PIGL: variants seen among roughly 807,000 people sequenced by gnomAD.
PIGL encodes phosphatidylinositol glycan anchor biosynthesis class L.
PIGL carries 22 observed loss-of-function variants against 31.1 expected under a neutral mutation model. The observed-to-expected ratio is 0.71, with a 90% CI of 0.51 to 1.01. The LOEUF (loss-of-function observed/expected upper bound fraction) is 1.01, where lower values mean the gene tolerates loss of function less well. PIGL is among the 50% of genes least tolerant of loss of function. The pLI, the probability that PIGL is intolerant of heterozygous loss-of-function variation, is 0.00. For missense variants in PIGL, 302 were observed against 315.9 expected (o/e 0.96, Z 0.33); for synonymous variants, 131 against 117.4 (o/e 1.12, Z -0.75).
chr17:16,287,699 G>A (rs183582436), intron 2 of PIGL, among the ~76,000 whole-genome samples: 2 of 152,224 alleles, frequency 1.3e-5, no homozygotes, highest in East Asian at 1.9e-4. Context: ...CCTGTTATAC[G>A]TTGACATTCC....
chr17:16,256,525 A>C (rs545868318), intron 2 of PIGL, among the ~76,000 whole-genome samples: 1 of 151,106 alleles, frequency 6.6e-6, no homozygotes, highest in Admixed American at 6.6e-5. Flanking sequence ...CTAATTGTGT[A>C]TTTTTTAGTA....
intron 2 of PIGL, among the ~76,000 whole-genome samples, chr17:16,288,836 G>C (rs1353168806): frequency 1.3e-5 from 2 of 152,234 alleles, no homozygotes; most frequent in African/African-American, 2.4e-5. Flanking sequence ...ACCACACCTA[G>C]CTAAAAATTC....
At position 16,217,283 on chromosome 17, in the gene PIGL, C is replaced by T. The variant is rs750208023; in HGVS notation, c.57C>T (p.Leu19=). The change falls in exon 1 of 7, where the codon CTC becomes CTT. Residue 19 remains leucine, a synonymous_variant. Coordinates refer to ENST00000225609, the MANE Select transcript of PIGL (RefSeq NM_004278.4). The part of the protein sequence containing the change: ...VALAVLAWGF[L]WVWDSSERMK... ...TGGCGGTCTTGGCATGGGGCTTCCT[C>T]TGGGTTTGGGACTCCTCAGAACGAA... 6.2e-7 allele frequency: 1 copy of T among 1,614,156 alleles called. No individual in the cohort carries two copies. Among genetic ancestry groups the T allele is most frequent in the Non-Finnish European group, 8.5e-7 (1 of 1,180,032 alleles).
At chr17:16,276,507 TG>T (rs1404356255) in intron 2 of PIGL, among the ~76,000 whole-genome samples, 1 of 152,064 alleles carries the variant, frequency 6.6e-6, no homozygotes, top group Non-Finnish European at 1.5e-5. Context: ...CCAAGGCGGG[TG>T]GATCACCTGA....
At position 16,326,146 on chromosome 17, in the gene PIGL, T is replaced by G; in HGVS notation, c.*248T>G. On this transcript the variant is annotated 3_prime_UTR_variant, in exon 7 of 7. Coordinates refer to ENST00000225609, the MANE Select transcript of PIGL (RefSeq NM_004278.4). ...ATAGCTACACTGCTAGCTTCTCAAG[T>G]TCTTGTGAAAAACAATTTACATAAT... is the stretch of plus-strand genomic sequence containing the variant. 1 of 471,540 alleles carries G rather than the reference T, an allele frequency of 2.1e-6. No homozygotes were observed. The highest frequency in any genetic ancestry group is 3.7e-5 in the South Asian group (1 of 27,140). 29.2% of individuals were successfully genotyped at this position (471,540 alleles called of 1,614,324 possible). A position where few individuals can be genotyped will look rare whatever the true frequency, so the allele number is the denominator to read the frequency against.
At chr17:16,220,450 T>A (rs2092621853) in intron 1 of PIGL, among the ~76,000 whole-genome samples, 1 of 151,760 alleles carries the variant, frequency 6.6e-6, no homozygotes. Context: ...GTATGTTATT[T>A]ATTCTTTATT....
chr17:16,321,181 G>A (rs79298331), intron 6 of PIGL, among the ~76,000 whole-genome samples: 3,974 of 143,522 alleles, frequency 0.028, 69 homozygotes, highest in East Asian at 0.077. Context: ...CAAATGATCC[G>A]CTCCCCTCTG....
In PIGL at chr17:16,291,971, A is replaced by T. The variant is rs182580557; in HGVS notation, c.336-7917A>T. Among the ~76,000 whole-genome samples, 687 of 152,146 alleles carry T rather than the reference A, an allele frequency of 4.5e-3. 8 individuals carry two copies. The highest frequency in any genetic ancestry group is 0.015 in the African/African-American group (636 of 41,504). On this transcript the variant is annotated intron_variant, in intron 2 of 6. Coordinates refer to ENST00000225609, the MANE Select transcript of PIGL (RefSeq NM_004278.4). Reference sequence around the variant, plus strand: ...AGCAAGACCCCATGGCTATAAAATTAAAAAAGGATTAAAAAGTAGATAATA... The same window carrying T: ...AGCAAGACCCCATGGCTATAAAATTTAAAAAGGATTAAAAAGTAGATAATA...
intron 2 of PIGL, among the ~76,000 whole-genome samples, chr17:16,299,281 C>A (rs543220975): frequency 2.0e-5 from 3 of 150,416 alleles, no homozygotes; most frequent in African/African-American, 7.4e-5. Context: ...ATGGCGAAAC[C>A]CCATCTCTAC....
At chr17:16,304,579 G>A (rs891430857) in intron 3 of PIGL, among the ~76,000 whole-genome samples, 4 of 152,044 alleles carry the variant, frequency 2.6e-5, no homozygotes, top group East Asian at 1.9e-4. Context: ...GCAATATATC[G>A]AGACTCCATC....
intron 2 of PIGL, among the ~76,000 whole-genome samples, chr17:16,238,114 T>C (rs946628187): frequency 2.7e-5 from 4 of 149,268 alleles, no homozygotes; most frequent in African/African-American, 9.9e-5. Context: ...GAGAATTGCT[T>C]GAACCCAGGA....
At chr17:16,257,722 G>T (rs35594899) in intron 2 of PIGL, among the ~76,000 whole-genome samples, 316 of 151,836 alleles carry the variant, frequency 2.1e-3, no homozygotes, top group Non-Finnish European at 2.7e-3. Context: ...TTTTAATGGG[G>T]TTTGAGAGAA....
chr17:16,271,584 T>G (rs1052201324), intron 2 of PIGL, among the ~76,000 whole-genome samples: 2 of 151,542 alleles, frequency 1.3e-5, no homozygotes. Flanking sequence ...CATGCTGGAG[T>G]GCAGTGGTGC....
chr17:16,278,288 A>G (rs1387910704), intron 2 of PIGL, among the ~76,000 whole-genome samples: 1 of 152,184 alleles, frequency 6.6e-6, no homozygotes, highest in Non-Finnish European at 1.5e-5. Context: ...TCAACAGCAC[A>G]TGCCAGTGAG....
intron 2 of PIGL, among the ~76,000 whole-genome samples, chr17:16,275,562 C>G (rs2092891382): frequency 6.6e-6 from 1 of 152,136 alleles, no homozygotes; most frequent in Non-Finnish European, 1.5e-5. Context: ...GGTTCAAATG[C>G]CTCTGACATA....
intron 2 of PIGL, among the ~76,000 whole-genome samples, chr17:16,244,037 G>A (rs1371743047): frequency 6.6e-6 from 1 of 152,192 alleles, no homozygotes. Flanking sequence ...CAGTTCCTGG[G>A]TGGGGGACTA....
intron 1 of PIGL, among the ~76,000 whole-genome samples, chr17:16,229,090 G>T (rs1388601148): frequency 6.6e-6 from 1 of 151,944 alleles, no homozygotes; most frequent in Non-Finnish European, 1.5e-5. Context: ...GGACAACATA[G>T]TGAGATTTCG....
At chr17:16,299,103 G>A (rs2092994091) in intron 2 of PIGL, among the ~76,000 whole-genome samples, 1 of 152,066 alleles carries the variant, frequency 6.6e-6, no homozygotes. Flanking sequence ...AGCTACTCAG[G>A]AGACTGAGGT....
chr17:16,318,943 CA>C (rs1258785575), intron 6 of PIGL, among the ~76,000 whole-genome samples: 1 of 149,000 alleles, frequency 6.7e-6, no homozygotes, highest in African/African-American at 2.5e-5. Context: ...AAAAAAACAA[CA>C]AAAAACCTGC....
Sources: allele counts gnomAD v4.1 joint callset (sites outside exome capture counted in the v4.1 genomes callset), GRCh38; gene constraint gnomAD v4.1.1; transcripts MANE v1.5; gene names NCBI Gene and HGNC (gene_info 2026-07-23, HGNC 2026-07-21).